VPS13B: variants seen among roughly 807,000 people sequenced by gnomAD.
The protein encoded by VPS13B is intermembrane lipid transfer protein VPS13B.
VPS13B carries 285 observed loss-of-function variants against 426.4 expected under a neutral mutation model. The observed-to-expected ratio is 0.67, with a 90% CI of 0.61 to 0.74. The LOEUF (loss-of-function observed/expected upper bound fraction) is 0.74. VPS13B is among the 30% of genes least tolerant of loss of function. The pLI is 0.00. For missense variants in VPS13B, 4,537 were observed against 4,782.6 expected (o/e 0.95, Z 1.51); for synonymous variants, 1,676 against 1,676.4 (o/e 1.00, Z 0.01).
At chr8:99,285,760 C>T (rs74665428) in intron 19 of VPS13B, among the ~76,000 whole-genome samples, 5,353 of 152,124 alleles carry the variant, frequency 0.035, 148 homozygotes, top group Non-Finnish European at 0.05. Flanking sequence ...AAAACACTTA[C>T]GGGTGAAATT....
At chr8:99,753,159 A>T (rs916218261) in intron 39 of VPS13B, among the ~76,000 whole-genome samples, 3 of 152,220 alleles carry the variant, frequency 2.0e-5, no homozygotes, top group African/African-American at 7.2e-5. Flanking sequence ...TATGCATTTT[A>T]AAATATTAGT....
intron 25 of VPS13B, among the ~76,000 whole-genome samples, chr8:99,493,098 A>G (rs1043219597): frequency 6.6e-6 from 1 of 152,178 alleles, no homozygotes; most frequent in Non-Finnish European, 1.5e-5. Context: ...CTGACCATGC[A>G]TTTCTAGAAA....
intron 29 of VPS13B, among the ~76,000 whole-genome samples, chr8:99,517,016 T>A (rs1822120536): frequency 6.6e-6 from 1 of 152,082 alleles, no homozygotes; most frequent in Non-Finnish European, 1.5e-5. Flanking sequence ...ATTGATTATA[T>A]GTTTATTGAA....
At chr8:99,072,736 A>C (rs572751604) in intron 3 of VPS13B, among the ~76,000 whole-genome samples, 1 of 152,214 alleles carries the variant, frequency 6.6e-6, no homozygotes, top group East Asian at 1.9e-4. Context: ...TTCAGGTCTT[A>C]AGGTTAAGTC....
chr8:99,595,571 T>C (rs1439822771), intron 33 of VPS13B, among the ~76,000 whole-genome samples: 1 of 151,948 alleles, frequency 6.6e-6, no homozygotes, highest in Non-Finnish European at 1.5e-5. Context: ...GCAGTGTTTT[T>C]TTAGATATGA....
chr8:99,138,189 T>C (rs1045833216), intron 12 of VPS13B, among the ~76,000 whole-genome samples: 1 of 152,202 alleles, frequency 6.6e-6, no homozygotes, highest in Non-Finnish European at 1.5e-5. Context: ...TGCAGCGTCA[T>C]GATCTCGGCT....
At chr8:99,615,634 G>C (rs905775252) in intron 33 of VPS13B, among the ~76,000 whole-genome samples, 1 of 152,144 alleles carries the variant, frequency 6.6e-6, no homozygotes, top group Admixed American at 6.5e-5. Flanking sequence ...TCACTGTCTA[G>C]ATTTCTTTTG....
chr8:99,197,292 G>A (rs1405307978), intron 17 of VPS13B, among the ~76,000 whole-genome samples: 1 of 152,104 alleles, frequency 6.6e-6, no homozygotes, highest in African/African-American at 2.4e-5. Flanking sequence ...TTTTCTTGTA[G>A]TGCCCTTGTC....
At chr8:99,575,627 A>G (rs1345503977) in intron 31 of VPS13B, 31 bp from the exon 32 acceptor site, 2 of 1,613,198 alleles carry the variant, frequency 1.2e-6, no homozygotes, top group East Asian at 2.2e-5. Context: ...AAATAATGAA[A>G]TGGCTAATAA....
chr8:99,367,858 T>A (rs1233768667), intron 19 of VPS13B, among the ~76,000 whole-genome samples: 1 of 152,128 alleles, frequency 6.6e-6, no homozygotes, highest in South Asian at 2.1e-4. Context: ...TTCGCCATGT[T>A]GGCCAGGCTG....
intron 52 of VPS13B, among the ~76,000 whole-genome samples, chr8:99,833,774 T>C (rs558078896): frequency 6.6e-6 from 1 of 152,332 alleles, no homozygotes; most frequent in South Asian, 2.1e-4. Context: ...TACAGTATAA[T>C]TTAATCTTAT....
chr8:99,050,995 A>G (rs1271133995), intron 3 of VPS13B, among the ~76,000 whole-genome samples: 2 of 151,976 alleles, frequency 1.3e-5, no homozygotes, highest in African/African-American at 4.8e-5. Context: ...GTTCACTCTG[A>G]TGGTAGTTTC....
intron 35 of VPS13B, among the ~76,000 whole-genome samples, chr8:99,672,464 T>A (rs1018201678): frequency 1.3e-5 from 2 of 152,154 alleles, no homozygotes; most frequent in Non-Finnish European, 2.9e-5. Context: ...TGTATGCTGA[T>A]TTTTAATCAC....
At chr8:99,544,907 C>G (rs1823882638) in intron 30 of VPS13B, among the ~76,000 whole-genome samples, 1 of 152,178 alleles carries the variant, frequency 6.6e-6, no homozygotes, top group Non-Finnish European at 1.5e-5. Context: ...TCCTTAGGCA[C>G]TACTCAGTGC....
At chr8:99,568,912 C>T (rs531759820) in intron 31 of VPS13B, among the ~76,000 whole-genome samples, 14 of 150,582 alleles carry the variant, frequency 9.3e-5, no homozygotes, top group Non-Finnish European at 1.5e-4. Context: ...CCCGGGTTCA[C>T]GCCATTCTCC....
intron 57 of VPS13B, among the ~76,000 whole-genome samples, chr8:99,861,157 A>C (rs1401586827): frequency 6.6e-6 from 1 of 152,216 alleles, no homozygotes; most frequent in African/African-American, 2.4e-5. Flanking sequence ...GTTTTAACCA[A>C]ACCTTGACAA....
chr8:99,119,685 C>T (rs554401433), intron 7 of VPS13B, among the ~76,000 whole-genome samples: 49 of 152,134 alleles, frequency 3.2e-4, no homozygotes, highest in Non-Finnish European at 6.8e-4. Context: ...GGTAAACATT[C>T]ATAACCTATA....
intron 19 of VPS13B, among the ~76,000 whole-genome samples, chr8:99,327,570 G>A (rs1810340537): frequency 6.6e-6 from 1 of 151,850 alleles, no homozygotes; most frequent in South Asian, 2.1e-4. Flanking sequence ...TAAAACACAA[G>A]TTACAGGCAA....
chr8:99,699,663 A>C lies in VPS13B; in HGVS notation c.6185A>C (p.Asn2062Thr). ...AGTGAAGAGACTTCAGCCATGTCCA[A>C]CACCATGGTGAATAAGGATGATCTT... is the stretch of plus-strand genomic sequence containing the variant. Reference protein sequence around the residue: ...AHSEETSAMSNTMVNKDDLPV... With the variant: ...AHSEETSAMSTTMVNKDDLPV... The change falls in exon 36 of 62, where the codon AAC (asparagine) becomes ACC (threonine). Residue 2062 changes from asparagine to threonine, a missense_variant. Transcript: ENST00000357162. The C allele has an allele frequency of 6.2e-7, 1 of 1,614,178 alleles. No homozygotes were observed. The highest frequency in any genetic ancestry group is 8.5e-7 in the Non-Finnish European group (1 of 1,180,020).
Sources: allele counts gnomAD v4.1 joint callset (sites outside exome capture counted in the v4.1 genomes callset), GRCh38; gene constraint gnomAD v4.1.1; transcripts MANE v1.5; gene names NCBI Gene and HGNC (gene_info 2026-07-23, HGNC 2026-07-21).